NXPE2: variants seen among roughly 807,000 people sequenced by gnomAD.
NXPE2 encodes the protein NXPE family member 2.
NXPE2 carries 34 observed loss-of-function variants against 34.4 expected under a neutral mutation model. That is an observed-to-expected ratio of 0.99 (90% CI 0.75 to 1.31). The LOEUF (loss-of-function observed/expected upper bound fraction) is 1.31, where lower values mean the gene tolerates loss of function less well. Among genes scored for constraint, NXPE2 ranks in the 40% most tolerant of loss-of-function variants. The pLI, the probability that NXPE2 is intolerant of heterozygous loss-of-function variation, is 0.00. For missense variants in NXPE2, 649 were observed against 672.5 expected, an observed-to-expected ratio of 0.97 and a Z score of 0.39; for synonymous variants, 235 against 231.3, an observed-to-expected ratio of 1.02 and a Z score of -0.15.
chr11:114,775,886 A>AC, the NXPE2 span, among the ~76,000 whole-genome samples: 3 of 147,630 alleles, frequency 2.0e-5, no homozygotes, highest in African/African-American at 2.5e-5. Context: ...AAACGAAAAA[A>AC]AAAAACAAAA....
chr11:114,507,311 A>G, the NXPE2 span, among the ~76,000 whole-genome samples: 4 of 151,658 alleles, frequency 2.6e-5, no homozygotes, highest in Non-Finnish European at 4.4e-5. Flanking sequence ...TACCAGATGT[A>G]CAAACAAGAG....
At chr11:114,804,201 G>A in the NXPE2 span, among the ~76,000 whole-genome samples, 1 of 131,274 alleles carries the variant, frequency 7.6e-6, no homozygotes, top group Non-Finnish European at 1.7e-5. Flanking sequence ...CAAGTATCAG[G>A]GAAGATTTCT....
intron 1 of NXPE2, among the ~76,000 whole-genome samples, chr11:114,679,190 T>C (rs1950903091): frequency 6.6e-6 from 1 of 150,748 alleles, no homozygotes; most frequent in Non-Finnish European, 1.5e-5. Flanking sequence ...TGGTTTATAA[T>C]GAAGCTCTTG....
chr11:114,464,636 A>G, the NXPE2 span, among the ~76,000 whole-genome samples: 1 of 152,198 alleles, frequency 6.6e-6, no homozygotes, highest in Admixed American at 6.5e-5. Flanking sequence ...AATATGAGAT[A>G]CATAGATAGG....
the NXPE2 span, among the ~76,000 whole-genome samples, chr11:114,752,399 T>C: frequency 1.3e-5 from 2 of 152,196 alleles, no homozygotes; most frequent in African/African-American, 4.8e-5. Flanking sequence ...GGATTTTAAA[T>C]TGAAAAGCCA....
chr11:114,772,582 T>C, the NXPE2 span, among the ~76,000 whole-genome samples: 4 of 152,190 alleles, frequency 2.6e-5, no homozygotes, highest in African/African-American at 9.6e-5. Context: ...AGGACTCAAA[T>C]AGTGACCTCA....
the NXPE2 span, among the ~76,000 whole-genome samples, chr11:114,638,569 C>G: frequency 6.6e-6 from 1 of 151,882 alleles, no homozygotes; most frequent in African/African-American, 2.4e-5. Context: ...CGTTTTTCTG[C>G]TCTGTTTTTT....
chr11:114,721,987 T>C, the NXPE2 span, among the ~76,000 whole-genome samples: 1 of 152,298 alleles, frequency 6.6e-6, no homozygotes, highest in East Asian at 1.9e-4. Flanking sequence ...TGAGTTGTGA[T>C]GTTTGACTTG....
chr11:114,791,014 G>A, the NXPE2 span, among the ~76,000 whole-genome samples: 9 of 151,878 alleles, frequency 5.9e-5, no homozygotes, highest in South Asian at 1.9e-3. Flanking sequence ...GGAAGGCAGA[G>A]AGAGTTTCAC....
At chr11:114,718,501 T>G in the NXPE2 span, among the ~76,000 whole-genome samples, 5 of 152,214 alleles carry the variant, frequency 3.3e-5, no homozygotes, top group Admixed American at 1.3e-4. Flanking sequence ...CACTCTAATG[T>G]GTCACAATGC....
chr11:114,472,577 G>A, the NXPE2 span, among the ~76,000 whole-genome samples: 1 of 152,072 alleles, frequency 6.6e-6, no homozygotes, highest in Non-Finnish European at 1.5e-5. Context: ...GCATAGACTG[G>A]GTGGGTTATA....
chr11:114,542,475 GTC>G, the NXPE2 span, among the ~76,000 whole-genome samples: 1 of 152,158 alleles, frequency 6.6e-6, no homozygotes, highest in Admixed American at 6.5e-5. Context: ...ACAGAAATAA[GTC>G]TAAATTATGC....
At chr11:114,601,876 A>ATATATAATATATATTATATTTATATATAT in the NXPE2 span, among the ~76,000 whole-genome samples, 2 of 4,642 alleles carry the variant, frequency 4.3e-4, no homozygotes, top group African/African-American at 1.4e-3. Flanking sequence ...TATATATATT[A>ATATATAATATATATTATATTTATATATAT]TATATAATTA....
chr11:114,803,046 C>G, the NXPE2 span, among the ~76,000 whole-genome samples: 2 of 152,104 alleles, frequency 1.3e-5, no homozygotes, highest in East Asian at 1.9e-4. Flanking sequence ...GAAGATCAGA[C>G]GACTGCTTCT....
the NXPE2 span, among the ~76,000 whole-genome samples, chr11:114,748,022 C>A: frequency 3.9e-5 from 6 of 152,136 alleles, no homozygotes; most frequent in Non-Finnish European, 8.8e-5. Context: ...CGTGAGATCA[C>A]CTTTATTAGA....
chr11:114,548,858 C>T, the NXPE2 span, among the ~76,000 whole-genome samples: 28 of 151,472 alleles, frequency 1.8e-4, no homozygotes, highest in Admixed American at 3.3e-4. Flanking sequence ...AAACAAAAAC[C>T]TGGGTTTTAT....
the NXPE2 span, among the ~76,000 whole-genome samples, chr11:114,602,914 TATA>T: frequency 1.3e-5 from 2 of 148,970 alleles, no homozygotes; most frequent in South Asian, 2.1e-4. Context: ...CAGAATCATA[TATA>T]ATAATCTAAT....
At chr11:114,501,117 TCA>T in the NXPE2 span, among the ~76,000 whole-genome samples, 1 of 152,364 alleles carries the variant, frequency 6.6e-6, no homozygotes, top group South Asian at 2.1e-4. Context: ...AAATAGTTAT[TCA>T]CCTGGGTAGG....
the NXPE2 span, among the ~76,000 whole-genome samples, chr11:114,500,255 A>C: frequency 1.3e-5 from 2 of 152,260 alleles, no homozygotes; most frequent in Admixed American, 1.3e-4. Flanking sequence ...CAGTTATTCC[A>C]CATCAGTATT....
Sources: allele counts gnomAD v4.1 joint callset (sites outside exome capture counted in the v4.1 genomes callset), GRCh38; gene constraint gnomAD v4.1.1; transcripts MANE v1.5; gene names NCBI Gene and HGNC (gene_info 2026-07-23, HGNC 2026-07-21).